Variants in STK32B observed in about 807,000 individuals in gnomAD.
STK32B encodes serine/threonine kinase 32B.
Under a neutral mutation model 52.6 loss-of-function variants are expected in STK32B, and 43 were observed. That is an observed-to-expected ratio of 0.82 (90% CI 0.64 to 1.05). The LOEUF is 1.05. Among genes scored for constraint, STK32B ranks in the 50% least tolerant of loss-of-function variants. The pLI, the probability that STK32B is intolerant of heterozygous loss-of-function variation, is 0.00. For synonymous variants in STK32B, 238 were observed against 204.3 expected, an observed-to-expected ratio of 1.17 and a Z score of -1.41; for missense variants, 621 against 534.6, an observed-to-expected ratio of 1.16 and a Z score of -1.59.
chr4:5,493,683 T>C (rs993872168), intron 11 of STK32B, among the ~76,000 whole-genome samples: 2 of 152,244 alleles, frequency 1.3e-5, no homozygotes, highest in Admixed American at 6.5e-5. Context: ...GGTGTCAATT[T>C]TGGATCTTTC....
At chr4:5,137,681 A>G (rs540321759) in intron 1 of STK32B, among the ~76,000 whole-genome samples, 1 of 152,310 alleles carries the variant, frequency 6.6e-6, no homozygotes, top group South Asian at 2.1e-4. Flanking sequence ...ATAGAGCTGT[A>G]TTGTGGACCT....
intron 3 of STK32B, among the ~76,000 whole-genome samples, chr4:5,256,361 G>C (rs1337248508): frequency 6.6e-6 from 1 of 152,182 alleles, no homozygotes; most frequent in Non-Finnish European, 1.5e-5. Context: ...GGTCTCCCAG[G>C]AGAAGGGCTT....
intron 3 of STK32B, among the ~76,000 whole-genome samples, chr4:5,206,660 G>A (rs752663558): frequency 2.6e-4 from 39 of 152,092 alleles, no homozygotes; most frequent in Non-Finnish European, 3.2e-4. Flanking sequence ...GAGTAGCTGC[G>A]GAGGGGGATA....
intron 3 of STK32B, among the ~76,000 whole-genome samples, chr4:5,175,120 C>T (rs1164914896): frequency 3.3e-5 from 5 of 152,172 alleles, no homozygotes; most frequent in African/African-American, 1.2e-4. Context: ...GCATTCGTCA[C>T]GTAGTTCTCG....
intron 3 of STK32B, among the ~76,000 whole-genome samples, chr4:5,245,966 T>C (rs533520585): frequency 3.0e-4 from 45 of 152,340 alleles, no homozygotes; most frequent in African/African-American, 1.0e-3. Flanking sequence ...GAGCTTCCCT[T>C]TGTGGGTAAC....
At position 5,317,244 on chromosome 4, in the gene STK32B, T is replaced by TTATA. The variant is rs1426596899; in HGVS notation, c.261-13971_261-13968dup. On this transcript the variant is annotated intron_variant, in intron 3 of 11. Transcript: ENST00000282908. ...ATATATTATATATAACATATATATA[T>TTATA]TATATATAACATATAACATATATAT... 6.7e-4 allele frequency among the ~76,000 whole-genome samples: 32 copies of TTATA among 47,958 alleles called. 3 individuals are homozygous for TTATA. In the African/African-American group the frequency reaches 8.0e-3, roughly 12 times the overall value. 31.5% of individuals were successfully genotyped at this position (47,958 alleles called of 152,430 possible). A position where few individuals can be genotyped will look rare whatever the true frequency, so the allele number is the denominator to read the frequency against.
intron 3 of STK32B, among the ~76,000 whole-genome samples, chr4:5,284,837 T>A (rs1229738701): frequency 6.6e-6 from 1 of 152,204 alleles, no homozygotes; most frequent in African/African-American, 2.4e-5. Flanking sequence ...TTTTTCATCA[T>A]GTTTAGTGCA....
chr4:5,074,519 A>G (rs1711966789), intron 1 of STK32B, among the ~76,000 whole-genome samples: 2 of 151,152 alleles, frequency 1.3e-5, no homozygotes, highest in Admixed American at 6.6e-5. Flanking sequence ...TGTTTTCTTT[A>G]CCATGGAACA....
intron 6 of STK32B, among the ~76,000 whole-genome samples, chr4:5,420,295 A>G (rs1345189221): frequency 2.0e-5 from 3 of 152,134 alleles, no homozygotes; most frequent in African/African-American, 7.2e-5. Context: ...TCTTCATGGG[A>G]GCCTGAACAC....
chr4:5,231,798 C>T (rs145733902), intron 3 of STK32B, among the ~76,000 whole-genome samples: 1 of 152,048 alleles, frequency 6.6e-6, no homozygotes, highest in Admixed American at 6.6e-5. Context: ...AAACCTGACT[C>T]TGAAGAGTTG....
chr4:5,154,395 A>G (rs1048788399), intron 2 of STK32B, among the ~76,000 whole-genome samples: 1 of 151,988 alleles, frequency 6.6e-6, no homozygotes, highest in Admixed American at 6.6e-5. Context: ...TTGTATTTTT[A>G]GTAGAGATGG....
At chr4:5,196,723 A>AAAAAT (rs57722522) in intron 3 of STK32B, among the ~76,000 whole-genome samples, 28,910 of 145,328 alleles carry the variant, frequency 0.2, 3,213 homozygotes, top group Admixed American at 0.32. Flanking sequence ...TCTGTCTCAA[A>AAAAAT]AAAATAAAAT....
At chr4:5,064,260 A>ATG (rs1742323405) in intron 1 of STK32B, among the ~76,000 whole-genome samples, 3 of 121,806 alleles carry the variant, frequency 2.5e-5, no homozygotes, top group African/African-American at 7.8e-5. Context: ...TAATATATAA[A>ATG]AACATATATG....
chr4:5,180,849 G>T (rs753920293), intron 3 of STK32B, among the ~76,000 whole-genome samples: 16 of 152,196 alleles, frequency 1.1e-4, no homozygotes, highest in Non-Finnish European at 2.2e-4. Context: ...AAGAACGAAT[G>T]ATTTGTGCTC....
chr4:5,244,907 T>A (rs1396366207), intron 3 of STK32B, among the ~76,000 whole-genome samples: 2 of 152,236 alleles, frequency 1.3e-5, no homozygotes, highest in Non-Finnish European at 2.9e-5. Flanking sequence ...TTCTGAATCC[T>A]GAGTTCTAGT....
intron 11 of STK32B, among the ~76,000 whole-genome samples, chr4:5,488,897 AAAG>A (rs1719447272): frequency 1.3e-5 from 2 of 152,228 alleles, no homozygotes; most frequent in South Asian, 2.1e-4. Flanking sequence ...TTTTCTCAAT[AAAG>A]AATATATTTT....
At chr4:5,138,266 A>G (rs1716196437) in intron 1 of STK32B, among the ~76,000 whole-genome samples, 1 of 152,244 alleles carries the variant, frequency 6.6e-6, no homozygotes, top group Non-Finnish European at 1.5e-5. Context: ...TTGGCTTGGC[A>G]GGGACACAAC....
At chr4:5,420,092 A>G (rs982252388) in intron 6 of STK32B, among the ~76,000 whole-genome samples, 1 of 152,168 alleles carries the variant, frequency 6.6e-6, no homozygotes, top group Non-Finnish European at 1.5e-5. Context: ...TTTAGAGTTA[A>G]GGAAATGGAG....
intron 3 of STK32B, among the ~76,000 whole-genome samples, chr4:5,279,581 G>C (rs966493250): frequency 6.6e-6 from 1 of 152,168 alleles, no homozygotes; most frequent in African/African-American, 2.4e-5. Flanking sequence ...GAGGATGGTA[G>C]CTTTTTCCTC....
Sources: gnomAD v4.1 joint callset for allele counts (sites outside exome capture counted in the v4.1 genomes callset) on GRCh38, gnomAD v4.1.1 for gene constraint, MANE v1.5 for transcripts, NCBI Gene and HGNC (gene_info 2026-07-23, HGNC 2026-07-21) for gene names.